SEMA6D: variants seen among roughly 807,000 people sequenced by gnomAD.
The protein encoded by SEMA6D is semaphorin-6D.
A neutral mutation model predicts 106.6 loss-of-function variants in SEMA6D; 35 were observed. That is an observed-to-expected ratio of 0.33 (90% CI 0.25 to 0.44). The LOEUF (loss-of-function observed/expected upper bound fraction) is 0.44, where lower values mean the gene tolerates loss of function less well. Among genes scored for constraint, SEMA6D ranks in the 20% least tolerant of loss-of-function variants. The pLI is 1.00. For synonymous variants in SEMA6D, 499 were observed against 487.7 expected (o/e 1.02, Z -0.31); for missense variants, 1,185 against 1,345.9 (o/e 0.88, Z 1.87).
chr15:47,666,996 T>TG (rs2078039654), intron 4 of SEMA6D, among the ~76,000 whole-genome samples: 1 of 152,174 alleles, frequency 6.6e-6, no homozygotes, highest in African/African-American at 2.4e-5. Flanking sequence ...GACTCAGCAT[T>TG]GGAGTCACAC....
At chr15:47,565,278 C>T (rs994832466) in intron 3 of SEMA6D, among the ~76,000 whole-genome samples, 1 of 152,194 alleles carries the variant, frequency 6.6e-6, no homozygotes, top group Non-Finnish European at 1.5e-5. Flanking sequence ...AAAGCGCTCA[C>T]CCCAGCTCCT....
chr15:47,733,779 A>T (rs1040392197), intron 1 of SEMA6D, among the ~76,000 whole-genome samples: 2 of 152,222 alleles, frequency 1.3e-5, no homozygotes, highest in Non-Finnish European at 2.9e-5. Flanking sequence ...TCACTAAGTT[A>T]TAGTAGTTTT....
At chr15:47,366,659 C>T (rs2039040454) in intron 1 of SEMA6D, among the ~76,000 whole-genome samples, 1 of 152,106 alleles carries the variant, frequency 6.6e-6, no homozygotes, top group South Asian at 2.1e-4. Context: ...GTTGATATTA[C>T]ATGGAGTGAA....
chr15:47,312,826 C>CT (rs997738160), intron 1 of SEMA6D, among the ~76,000 whole-genome samples: 1 of 151,920 alleles, frequency 6.6e-6, no homozygotes, highest in Admixed American at 6.6e-5. Context: ...AATCCAAAGA[C>CT]TTTTTTTATA....
At chr15:47,553,225 CT>C (rs528440326) in intron 3 of SEMA6D, among the ~76,000 whole-genome samples, 58 of 151,896 alleles carry the variant, frequency 3.8e-4, no homozygotes, top group Admixed American at 1.5e-3. Context: ...ATTTTATGCC[CT>C]TAGTCATAAA....
chr15:47,235,535 G>A lies in SEMA6D; in HGVS notation c.-239+51117G>A, dbSNP rs73397094. Among the ~76,000 whole-genome samples the A allele has an allele frequency of 2.5e-3, 379 of 152,070 alleles. 2 individuals carry two copies. Among genetic ancestry groups the A allele is most frequent in the African/African-American group, 8.7e-3 (363 of 41,538 alleles). ...AGAGATCAGTTTCATTCTTCTACAT[G>A]TGGCTATTCAATTTTCCCAGCATTG... On this transcript the variant is annotated intron_variant, in intron 1 of 19. Coordinates refer to the SEMA6D transcript ENST00000558014.
intron 1 of SEMA6D, among the ~76,000 whole-genome samples, chr15:47,224,050 G>A (rs374695972): frequency 2.0e-5 from 3 of 151,964 alleles, no homozygotes; most frequent in East Asian, 1.9e-4. Context: ...GAGATATACC[G>A]AATGCTAGAT....
intron 3 of SEMA6D, among the ~76,000 whole-genome samples, chr15:47,534,830 C>A (rs2045101460): frequency 6.6e-6 from 1 of 152,072 alleles, no homozygotes; most frequent in South Asian, 2.1e-4. Context: ...ACAGCACTGC[C>A]TCTCCCTGCT....
chr15:47,224,397 T>A (rs2031475029), intron 1 of SEMA6D, among the ~76,000 whole-genome samples: 2 of 152,060 alleles, frequency 1.3e-5, no homozygotes, highest in South Asian at 4.1e-4. Flanking sequence ...GGGCACTTAA[T>A]GTTTGCCAGG....
chr15:47,351,044 A>C (rs1297271113), intron 1 of SEMA6D, among the ~76,000 whole-genome samples: 3 of 152,090 alleles, frequency 2.0e-5, no homozygotes, highest in Admixed American at 1.3e-4. Context: ...CTCTTCATTA[A>C]ATACCCTGCC....
chr15:47,674,733 ATGGCGCTTT>A (rs2078209047), intron 4 of SEMA6D, among the ~76,000 whole-genome samples: 2 of 152,290 alleles, frequency 1.3e-5, no homozygotes, highest in Admixed American at 1.3e-4. Context: ...CTGGAGGAGG[ATGGCGCTTT>A]TGTAGTCTCA....
intron 1 of SEMA6D, among the ~76,000 whole-genome samples, chr15:47,253,533 G>A (rs1232916132): frequency 6.6e-6 from 1 of 152,096 alleles, no homozygotes; most frequent in Non-Finnish European, 1.5e-5. Flanking sequence ...GTTGATTTTT[G>A]TATAAGGTAA....
intron 4 of SEMA6D, among the ~76,000 whole-genome samples, chr15:47,634,880 G>A (rs2077357587): frequency 6.6e-6 from 1 of 152,156 alleles, no homozygotes; most frequent in Non-Finnish European, 1.5e-5. Context: ...GGGGATGATG[G>A]TGCAGGTTTT....
intron 4 of SEMA6D, among the ~76,000 whole-genome samples, chr15:47,687,230 T>A (rs1303183234): frequency 6.6e-6 from 1 of 152,194 alleles, no homozygotes; most frequent in Non-Finnish European, 1.5e-5. Flanking sequence ...CTCTGTGATA[T>A]GCCTGCCACT....
chr15:47,741,151 C>G (rs1277562573), intron 1 of SEMA6D, among the ~76,000 whole-genome samples: 1 of 152,222 alleles, frequency 6.6e-6, no homozygotes, highest in African/African-American at 2.4e-5. Flanking sequence ...TGTTCCTTTT[C>G]TTCTGTGTTA....
intron 3 of SEMA6D, among the ~76,000 whole-genome samples, chr15:47,535,405 A>G (rs908839198): frequency 6.6e-6 from 1 of 152,140 alleles, no homozygotes; most frequent in Non-Finnish European, 1.5e-5. Context: ...GATATGGGGT[A>G]TGCACTCAGT....
intron 4 of SEMA6D, among the ~76,000 whole-genome samples, chr15:47,689,654 A>G (rs2078543099): frequency 6.6e-6 from 1 of 152,224 alleles, no homozygotes; most frequent in East Asian, 1.9e-4. Flanking sequence ...AAAGGCTCTA[A>G]CAAGGAGAGA....
intron 3 of SEMA6D, among the ~76,000 whole-genome samples, chr15:47,525,980 C>T (rs1168829016): frequency 6.6e-6 from 1 of 152,184 alleles, no homozygotes; most frequent in Non-Finnish European, 1.5e-5. Context: ...GCTCTCAGCA[C>T]CTGTTGGAGA....
chr15:47,328,014 G>A (rs1441641759), intron 1 of SEMA6D, among the ~76,000 whole-genome samples: 1 of 152,082 alleles, frequency 6.6e-6, no homozygotes, highest in East Asian at 1.9e-4. Context: ...TGGATCTACT[G>A]CAAGTGAATA....
Sources: gnomAD v4.1 joint callset for allele counts (sites outside exome capture counted in the v4.1 genomes callset) on GRCh38, gnomAD v4.1.1 for gene constraint, MANE v1.5 for transcripts, NCBI Gene and HGNC (gene_info 2026-07-23, HGNC 2026-07-21) for gene names.